The following COL19A1 variants were observed in gnomAD, a reference collection of about 807,000 sequenced individuals.
The protein encoded by COL19A1 is collagen alpha-1(XIX) chain.
Under a neutral mutation model 190.2 loss-of-function variants are expected in COL19A1, and 159 were observed. The ratio of observed to expected loss-of-function variants is 0.84; its 90% CI spans 0.73 to 0.95. COL19A1 has a LOEUF of 0.95. Among genes scored for constraint, COL19A1 ranks in the 40% least tolerant of loss-of-function variants. COL19A1 has a pLI of 0.00. For missense variants in COL19A1, 1,418 were observed against 1,431.9 expected (o/e 0.99, Z 0.16); for synonymous variants, 509 against 458.9 (o/e 1.11, Z -1.39).
chr6:70,023,627 G>C lies in COL19A1; in HGVS notation c.1027G>C (p.Gly343Arg), dbSNP rs987631764. The change falls in exon 12 of 51, where the codon GGT (glycine) becomes CGT (arginine). Residue 343 changes from glycine (G) to arginine (R), a missense_variant and splice_region_variant. By Grantham distance (125) the Gly-to-Arg change is moderately radical. Transcript: ENST00000620364. ...CATTGTATAAATTGTTTCTTTTTAG[G>C]GTGAACAAGGAGAAAAAGGAGATCC... ...EGSKGETGEKGEQGEKGDPAL... is the reference protein window; with the variant it reads ...EGSKGETGEKREQGEKGDPAL... 1 of 1,606,794 alleles carries C rather than the reference G, an allele frequency of 6.2e-7. No homozygotes were observed. Among genetic ancestry groups the C allele is most frequent in the Non-Finnish European group, 8.5e-7 (1 of 1,177,924 alleles).
chr6:70,180,228 C>A (rs759327924), intron 42 of COL19A1, 84 bp from the exon 43 acceptor site: 82 of 1,507,848 alleles, frequency 5.4e-5, no homozygotes, highest in Non-Finnish European at 7.0e-5. Flanking sequence ...GCACTATAAA[C>A]TCAATTGGGG....
At chr6:69,895,397 G>T (rs1769654804) in intron 2 of COL19A1, among the ~76,000 whole-genome samples, 2 of 152,212 alleles carry the variant, frequency 1.3e-5, no homozygotes. Context: ...CACCAAAAAT[G>T]TCGCAGGACT....
At chr6:70,070,977 T>C (rs1307761724) in intron 15 of COL19A1, among the ~76,000 whole-genome samples, 5 of 152,274 alleles carry the variant, frequency 3.3e-5, no homozygotes, top group Admixed American at 6.5e-5. Flanking sequence ...ATTAAGGCTA[T>C]TTAAATGAAA....
intron 16 of COL19A1, among the ~76,000 whole-genome samples, chr6:70,104,294 T>G (rs6912011): frequency 6.6e-6 from 1 of 152,014 alleles, no homozygotes; most frequent in South Asian, 2.1e-4. Context: ...GTTCCACAGG[T>G]TGTTCAGGAG....
rs1240050082 is a variant in COL19A1 at position 69,929,748 on chromosome 6, A to C, written c.666+48A>C. ...AAAGAGAACTAAAATTTCTAAGTAAAAAAAAAATCTTATTAAAAACATTCT... is the reference window on the plus strand; with the variant it reads ...AAAGAGAACTAAAATTTCTAAGTAACAAAAAAATCTTATTAAAAACATTCT... On this transcript the variant is annotated intron_variant, in intron 6 of 50. Transcript: ENST00000620364. 2.0e-6 allele frequency: 3 copies of C among 1,518,524 alleles called. 1 individual carries two copies. Among genetic ancestry groups the C allele is most frequent in the Non-Finnish European group, 2.7e-6 (3 of 1,130,836 alleles). The allele number at this position is 1,518,524 out of a possible 1,614,324, so 94.1% of individuals were successfully genotyped here.
intron 17 of COL19A1, among the ~76,000 whole-genome samples, chr6:70,123,143 T>C (rs917579517): frequency 6.6e-6 from 1 of 151,854 alleles, no homozygotes; most frequent in Non-Finnish European, 1.5e-5. Flanking sequence ...AAAAAGTGGG[T>C]GAAGGACATG....
At chr6:69,971,102 G>T (rs999990798) in intron 11 of COL19A1, among the ~76,000 whole-genome samples, 73 of 152,032 alleles carry the variant, frequency 4.8e-4, no homozygotes, top group African/African-American at 1.5e-3. Flanking sequence ...TGCATCACTT[G>T]CTAGTAGTTA....
intron 14 of COL19A1, among the ~76,000 whole-genome samples, chr6:70,061,653 C>T (rs1471796432): frequency 7.9e-5 from 12 of 152,020 alleles, no homozygotes; most frequent in Non-Finnish European, 1.5e-5. Context: ...TTATATGTGT[C>T]TCAGAATTAA....
chr6:69,882,499 T>C (rs77963462), intron 2 of COL19A1, among the ~76,000 whole-genome samples: 4,539 of 152,266 alleles, frequency 0.03, 240 homozygotes, highest in African/African-American at 0.1. Flanking sequence ...TCCTCTAATA[T>C]AGACTATGTA....
intron 28 of COL19A1, 35 bp downstream of exon 28, chr6:70,149,774 G>A: frequency 1.2e-6 from 2 of 1,613,562 alleles, no homozygotes; most frequent in Non-Finnish European, 1.7e-6. Context: ...GCACAGCAAA[G>A]CCAGCTTGCT....
At chr6:70,017,342 A>G (rs1778170106) in intron 11 of COL19A1, among the ~76,000 whole-genome samples, 1 of 152,162 alleles carries the variant, frequency 6.6e-6, no homozygotes, top group Non-Finnish European at 1.5e-5. Flanking sequence ...GAAGCAGTTG[A>G]CTACAAATGG....
chr6:70,073,367 C>G (rs1459878189), intron 15 of COL19A1, among the ~76,000 whole-genome samples: 1 of 152,134 alleles, frequency 6.6e-6, no homozygotes, highest in Non-Finnish European at 1.5e-5. Context: ...CACTCTGCAC[C>G]TCACATGCCT....
At chr6:70,202,552 A>G (rs554397017) in intron 49 of COL19A1, among the ~76,000 whole-genome samples, 7 of 152,328 alleles carry the variant, frequency 4.6e-5, no homozygotes, top group Admixed American at 2.0e-4. Flanking sequence ...GCACTATGGA[A>G]TGAGTCCTTT....
chr6:70,195,032 T>C (rs1227773881), intron 48 of COL19A1, among the ~76,000 whole-genome samples: 1 of 150,624 alleles, frequency 6.6e-6, no homozygotes, highest in African/African-American at 2.4e-5. Flanking sequence ...TATCCCAAAG[T>C]TGTAACATCT....
intron 11 of COL19A1, among the ~76,000 whole-genome samples, chr6:69,999,607 G>C (rs1034997630): frequency 6.6e-6 from 1 of 152,052 alleles, no homozygotes; most frequent in African/African-American, 2.4e-5. Context: ...ACAATAATTT[G>C]AATTAAGAGG....
chr6:70,035,582 T>C (rs531264014), intron 13 of COL19A1, among the ~76,000 whole-genome samples: 7 of 152,336 alleles, frequency 4.6e-5, no homozygotes, highest in East Asian at 1.9e-4. Flanking sequence ...AGCTGCTTCA[T>C]TGGCAAGTAA....
At chr6:70,053,631 T>C (rs1780335039) in intron 14 of COL19A1, among the ~76,000 whole-genome samples, 2 of 152,218 alleles carry the variant, frequency 1.3e-5, no homozygotes. Context: ...GAAATATTTG[T>C]ATATAGACTT....
At chr6:69,872,253 T>G (rs1430735765) in intron 1 of COL19A1, among the ~76,000 whole-genome samples, 1 of 152,200 alleles carries the variant, frequency 6.6e-6, no homozygotes, top group Admixed American at 6.5e-5. Flanking sequence ...CAATGGACTT[T>G]CCCTATTTGG....
intron 8 of COL19A1, 86 bp from the exon 9 acceptor site, chr6:69,937,951 CT>C: frequency 7.9e-7 from 1 of 1,263,644 alleles, no homozygotes; most frequent in East Asian, 2.4e-5. Context: ...CGTTATCTTG[CT>C]AGTGCCAGCT....
Sources: gnomAD v4.1 joint callset for allele counts (sites outside exome capture counted in the v4.1 genomes callset) on GRCh38, gnomAD v4.1.1 for gene constraint, MANE v1.5 for transcripts, NCBI Gene and HGNC (gene_info 2026-07-23, HGNC 2026-07-21) for gene names.